Variants in RIOK2 observed in about 807,000 individuals in gnomAD.
RIOK2 encodes serine/threonine-protein kinase RIO2.
Under a neutral mutation model 62.4 loss-of-function variants are expected in RIOK2, and 46 were observed. That is an observed-to-expected ratio of 0.74 (90% CI 0.58 to 0.94). RIOK2 has a LOEUF of 0.94. Ranked by LOEUF, RIOK2 falls within the 40% of genes least tolerant of loss-of-function variation. The pLI is 0.00. For synonymous variants in RIOK2, 197 were observed against 216.0 expected (o/e 0.91, Z 0.77); for missense variants, 574 against 658.0 (o/e 0.87, Z 1.40).
chr5:97,179,977 A>AAT lies in RIOK2; in HGVS notation c.67-786_67-785dup, dbSNP rs1554083505. Among the ~76,000 whole-genome samples, 15 of 47,374 alleles carry AAT rather than the reference A, an allele frequency of 3.2e-4. 1 individual carries two copies. Among genetic ancestry groups the AAT allele is most frequent in the African/African-American group, 4.5e-4 (6 of 13,246 alleles). 31.1% of individuals were successfully genotyped at this position (47,374 alleles called of 152,430 possible). On this transcript the variant is annotated intron_variant, in intron 1 of 9. Coordinates refer to ENST00000283109, the MANE Select transcript of RIOK2 (RefSeq NM_018343.3). ...TTAAAAGTATTTTATATATATATAT[A>AAT]ATATATATATATAAAATATATATAT...
chr5:97,180,709 AG>A (rs1210702534), intron 1 of RIOK2, among the ~76,000 whole-genome samples: 4 of 152,210 alleles, frequency 2.6e-5, no homozygotes, highest in African/African-American at 9.6e-5. Context: ...CTAAGACAGA[AG>A]TCCAGCTCAG....
rs1438958042 is a variant in RIOK2 at position 97,160,958 on chromosome 5, C to CA, written c.*2102dup. 1 of 152,164 alleles carries CA rather than the reference C, an allele frequency of 6.6e-6. No individual in the cohort carries two copies. The highest frequency in any genetic ancestry group is 2.4e-5 in the African/African-American group (1 of 41,434). The allele number at this position is 152,164 out of a possible 1,614,324, so 9.4% of individuals were successfully genotyped here. A position where few individuals can be genotyped will look rare whatever the true frequency, so the allele number is the denominator to read the frequency against. On this transcript the variant is annotated 3_prime_UTR_variant, in exon 10 of 10. Coordinates refer to ENST00000283109, the MANE Select transcript of RIOK2 (RefSeq NM_018343.3). Reference sequence around the variant, plus strand: ...TCTTTCAGTCTGGATAAATACACAACAAAGGATCATAGCTGAAATACCAGT... The same window carrying CA: ...TCTTTCAGTCTGGATAAATACACAACAAAAGGATCATAGCTGAAATACCAGT...
chr5:97,168,911 G>T, intron 6 of RIOK2, 59 bp from the exon 7 acceptor site: 1 of 1,012,754 alleles, frequency 9.9e-7, no homozygotes, highest in Non-Finnish European at 1.5e-6. Context: ...TTCCTTATTA[G>T]CCAATGACAA....
intron 1 of RIOK2, among the ~76,000 whole-genome samples, chr5:97,179,946 C>A: frequency 1.3e-5 from 1 of 79,742 alleles, no homozygotes; most frequent in African/African-American, 4.6e-5. Flanking sequence ...ACATGTACCC[C>A]AGAACTTAAA....
intron 4 of RIOK2, 64 bp from the exon 5 acceptor site, chr5:97,173,327 AG>A: frequency 9.9e-7 from 1 of 1,009,524 alleles, no homozygotes; most frequent in South Asian, 1.4e-5. Flanking sequence ...GAACAATAAA[AG>A]TAAATATACC....
At position 97,162,985 on chromosome 5, in the gene RIOK2, A is replaced by G; in HGVS notation, c.*76T>C. The G allele has an allele frequency of 3.9e-6, 5 of 1,280,722 alleles. No homozygotes were observed. Among genetic ancestry groups the G allele is most frequent in the Non-Finnish European group, 5.3e-6 (5 of 936,758 alleles). The allele number at this position is 1,280,722 out of a possible 1,614,324, so 79.3% of individuals were successfully genotyped here. On this transcript the variant is annotated 3_prime_UTR_variant, in exon 10 of 10. Coordinates refer to ENST00000283109, the MANE Select transcript of RIOK2 (RefSeq NM_018343.3). ...AATATATGATAGCCTTGGCTCAAAA[A>G]AGACAAATGAGGGCTCAAAAAGGAA...
chr5:97,181,652 G>A (rs1174481581), intron 1 of RIOK2, among the ~76,000 whole-genome samples: 2 of 152,094 alleles, frequency 1.3e-5, no homozygotes, highest in Non-Finnish European at 1.5e-5. Context: ...ATATTGCAGC[G>A]CCAATGTTTT....
intron 1 of RIOK2, among the ~76,000 whole-genome samples, chr5:97,180,142 GTATATATATA>G (rs372779229): frequency 1.0e-5 from 1 of 96,072 alleles, no homozygotes; most frequent in East Asian, 2.5e-4. Context: ...ATATATATAT[GTATATATATA>G]TATATATATG....
chr5:97,182,842 A>C, intron 1 of RIOK2: 1 of 357,086 alleles, frequency 2.8e-6, no homozygotes, highest in African/African-American at 2.2e-5. Context: ...AGAAGTTTCC[A>C]GGCCACAGAG....
intron 1 of RIOK2, chr5:97,182,685 C>G: frequency 4.5e-6 from 1 of 222,798 alleles, no homozygotes; most frequent in Non-Finnish European, 9.0e-6. Context: ...AATGTTGCTA[C>G]TAAAAAACCG....
chr5:97,176,611 T>C (rs936109031), intron 4 of RIOK2, among the ~76,000 whole-genome samples: 2 of 152,154 alleles, frequency 1.3e-5, no homozygotes, highest in African/African-American at 4.8e-5. Flanking sequence ...GCTGGTATTA[T>C]AGGCATGAAC....
intron 9 of RIOK2, among the ~76,000 whole-genome samples, chr5:97,163,675 T>C (rs1748764520): frequency 1.3e-5 from 2 of 152,222 alleles, no homozygotes; most frequent in African/African-American, 4.8e-5. Context: ...CATATGTCTT[T>C]TGATCATAAA....
chr5:97,171,465 G>T, intron 5 of RIOK2, 68 bp from the exon 6 acceptor site: 1 of 1,078,130 alleles, frequency 9.3e-7, no homozygotes, highest in Non-Finnish European at 1.3e-6. Flanking sequence ...AAGTATGTAT[G>T]CATGTGAACA....
Position 97,167,597 on chromosome 5 carries a change from TTC to T in RIOK2, c.1265_1266del (p.Arg422AsnfsTer2), listed in dbSNP as rs755878688. On this transcript the variant is annotated frameshift_variant, in exon 8 of 10. Coordinates refer to ENST00000283109, the MANE Select transcript of RIOK2 (RefSeq NM_018343.3). LOFTEE classifies it high-confidence loss of function. Reference protein sequence around the residue: ...SVTEFSEEKNRTENYNRQDGQ... With the variant: ...SVTEFSEEKNXTENYNRQDGQ... ...CCATCTTGCCTGTTGTAATTTTCAG[TTC>T]TGTTTTTCTCCTCAGAAAATTCAGT... The T allele has an allele frequency of 1.1e-5, 17 of 1,614,204 alleles. No homozygotes were observed. Among genetic ancestry groups the T allele is most frequent in the Non-Finnish European group, 1.4e-5 (17 of 1,180,006 alleles).
intron 4 of RIOK2, among the ~76,000 whole-genome samples, chr5:97,174,594 C>T (rs377168448): frequency 2.2e-4 from 34 of 152,200 alleles, no homozygotes; most frequent in Admixed American, 9.8e-4. Context: ...CACCTAAACA[C>T]ATAGGACTCA....
At chr5:97,179,958 G>A (rs1193686566) in intron 1 of RIOK2, among the ~76,000 whole-genome samples, 1 of 21,272 alleles carries the variant, frequency 4.7e-5, no homozygotes, top group Non-Finnish European at 1.0e-4. Flanking sequence ...GAACTTAAAA[G>A]TATTTTATAT....
intron 5 of RIOK2, 24 bp from the exon 6 acceptor site, chr5:97,171,421 A>G (rs1749005555): frequency 1.4e-6 from 2 of 1,470,824 alleles, no homozygotes; most frequent in African/African-American, 2.8e-5. Flanking sequence ...AAGCATGAAA[A>G]TAGGTTACTT....
intron 6 of RIOK2, among the ~76,000 whole-genome samples, chr5:97,170,481 T>C (rs1399169510): frequency 2.0e-5 from 3 of 152,226 alleles, no homozygotes; most frequent in Non-Finnish European, 4.4e-5. Context: ...TACTGAGTTA[T>C]ACTTGGTGAA....
chr5:97,182,425 G>A (rs1007268821), intron 1 of RIOK2, among the ~76,000 whole-genome samples: 4 of 152,108 alleles, frequency 2.6e-5, no homozygotes, highest in African/African-American at 9.7e-5. Flanking sequence ...CTCTTTCCAA[G>A]GACTTCACTG....
Sources: allele counts gnomAD v4.1 joint callset (sites outside exome capture counted in the v4.1 genomes callset), GRCh38; gene constraint gnomAD v4.1.1; transcripts MANE v1.5; gene names NCBI Gene and HGNC (gene_info 2026-07-23, HGNC 2026-07-21).